The following CLEC1B variants were observed in gnomAD, a reference collection of about 807,000 sequenced individuals.
CLEC1B encodes the protein C-type lectin domain family 1 member B.
In CLEC1B, 26 loss-of-function variants were observed where a neutral mutation model predicts 26.7. That is an observed-to-expected ratio of 0.97 (90% CI 0.71 to 1.35). The LOEUF is 1.35. Ranked by LOEUF, CLEC1B falls within the 40% of genes most tolerant of loss-of-function variation. The probability of loss-of-function intolerance (pLI) is 0.00; values close to 1 mark genes in which losing one functional copy is unlikely to be tolerated. For missense variants in CLEC1B, 293 were observed against 282.6 expected (o/e 1.04, Z -0.26); for synonymous variants, 112 against 96.0 (o/e 1.17, Z -0.97).
chr12:9,997,090 C>T, intron 3 of CLEC1B, 70 bp downstream of exon 3: 1 of 1,609,236 alleles, frequency 6.2e-7, no homozygotes, highest in Non-Finnish European at 8.5e-7. Flanking sequence ...ATCTCAAACT[C>T]CCTTCAGTTG....
chr12:9,994,074 G>C (rs1864968019), intron 5 of CLEC1B, among the ~76,000 whole-genome samples: 1 of 152,122 alleles, frequency 6.6e-6, no homozygotes, highest in African/African-American at 2.4e-5. Flanking sequence ...GGACTGTATG[G>C]ATATGGGTTT....
chr12:9,997,041 T>C (rs1865068318), intron 3 of CLEC1B, 41 bp from the exon 4 acceptor site: 12 of 1,611,518 alleles, frequency 7.4e-6, no homozygotes, highest in South Asian at 1.1e-5. Flanking sequence ...TTTTTCTAAA[T>C]TGGGCTTACA....
chr12:9,993,396 G>GA (rs1210022004), intron 5 of CLEC1B, 109 bp from the exon 6 acceptor site: 1,949 of 306,932 alleles, frequency 6.3e-3, no homozygotes, highest in Non-Finnish European at 6.8e-3. Flanking sequence ...AGGAAAATAG[G>GA]AAAAAAAAAC....
chr12:9,996,822 T>C lies in CLEC1B; in HGVS notation c.438+24A>G, dbSNP rs1266800144. 3.7e-6 allele frequency: 6 copies of C among 1,613,502 alleles called. No individual in the cohort carries two copies. In the African/African-American group the frequency reaches 8.0e-5, roughly 22 times the overall value. On this transcript the variant is annotated intron_variant, in intron 4 of 5. Coordinates refer to ENST00000298527, the MANE Select transcript of CLEC1B (RefSeq NM_016509.4). ...AGGTTTCTCTTCCTTGCCTCCAAAA[T>C]ATTTGACATAAGAATCTTCTTACCA...
Position 9,998,294 on chromosome 12 carries a change from G to C in CLEC1B, c.151C>G (p.Leu51Val). 6.2e-7 allele frequency: 1 copy of C among 1,613,762 alleles called. No individual in the cohort carries two copies. ...CVGMVVGLVA[L>V]GIWSVMQRNY... ...AGTCAACACTTACACCAAATCCCCA[G>C]AGCCACCAGCCCGACAACCATCCCC... is the stretch of plus-strand genomic sequence containing the variant. Residue 51 changes from leucine (L) to valine (V), a missense_variant, in exon 2 of 6, where the codon CTG becomes GTG. Leu to Val is a conservative substitution (Grantham distance 32, BLOSUM62 1). Transcript: ENST00000298527.
At chr12:9,993,343 T>C (rs1209728557) in intron 5 of CLEC1B, 56 bp from the exon 6 acceptor site, 2 of 1,424,476 alleles carry the variant, frequency 1.4e-6, no homozygotes, top group South Asian at 1.1e-5. Flanking sequence ...CAATCAGTAA[T>C]CAGACTCTGC....
intron 4 of CLEC1B, chr12:9,995,687 T>C (rs907705218): frequency 1.3e-5 from 3 of 239,104 alleles, no homozygotes; most frequent in Non-Finnish European, 2.5e-5. Context: ...ATCTTACATA[T>C]GGAAGTATTA....
At chr12:9,999,852 A>C (rs1392760585), upstream of CLEC1B, among the ~76,000 whole-genome samples, 1 of 152,212 alleles carries the variant, frequency 6.6e-6, no homozygotes, top group Non-Finnish European at 1.5e-5. Context: ...GATTTGATGA[A>C]ATCACTTCAT....
At chr12:9,993,399 A>G (rs1864943622) in intron 5 of CLEC1B, 112 bp from the exon 6 acceptor site, 2 of 668,726 alleles carry the variant, frequency 3.0e-6, no homozygotes, top group African/African-American at 5.0e-5. Context: ...AAAATAGGAA[A>G]AAAAAACAAA....
intron 5 of CLEC1B, among the ~76,000 whole-genome samples, chr12:9,993,804 T>C (rs1864959176): frequency 1.3e-5 from 2 of 152,176 alleles, no homozygotes; most frequent in African/African-American, 4.8e-5. Flanking sequence ...TGTTAAGTTA[T>C]ATTTCTTTCT....
chr12:9,998,557 T>C (rs7980694), intron 1 of CLEC1B, among the ~76,000 whole-genome samples, 177 bp from the exon 2 acceptor site: 15,256 of 76,694 alleles, frequency 0.2, 3,574 homozygotes, highest in Middle Eastern at 0.28. Flanking sequence ...GGCCCACCCC[T>C]ATACCATACA....
At chr12:10,001,631 C>T (rs892362696), upstream of CLEC1B, among the ~76,000 whole-genome samples, 1 of 152,170 alleles carries the variant, frequency 6.6e-6, no homozygotes, top group Non-Finnish European at 1.5e-5. Flanking sequence ...GCTCCCTCCC[C>T]ACATTCTATA....
At chr12:9,996,689 T>C in intron 4 of CLEC1B, 157 bp downstream of exon 4, 2 of 767,796 alleles carry the variant, frequency 2.6e-6, no homozygotes, top group Non-Finnish European at 4.5e-6. Context: ...GGATTGAATA[T>C]CTGGGTTCTG....
At position 9,996,857 on chromosome 12, in the gene CLEC1B, G is replaced by C. The variant is rs1389444399; in HGVS notation, c.427C>G (p.Arg143Gly). ...AAGAATCTTCTTACCACAATGTTCC[G>C]GTTGTCAATCTTCAGGAGAGTAGCA... ...MNATLLKIDN[R>G]NIVEYIKART... is the part of the protein sequence containing the mutation. The change falls in exon 4 of 6, where the codon CGG (arginine) becomes GGG (glycine). Residue 143 changes from arginine to glycine, a missense_variant. Physicochemically the swap from Arg to Gly is moderately radical, Grantham distance 125 (BLOSUM62 -2). Transcript: ENST00000298527. 2 of 1,613,828 alleles carry C rather than the reference G, an allele frequency of 1.2e-6. No homozygotes were observed. Among genetic ancestry groups the C allele is most frequent in the East Asian group, 2.2e-5 (1 of 44,884 alleles).
chr12:9,999,692 T>A (rs565216784), upstream of CLEC1B, among the ~76,000 whole-genome samples: 3 of 152,288 alleles, frequency 2.0e-5, no homozygotes, highest in East Asian at 3.9e-4. Flanking sequence ...ATTTGAAGGA[T>A]CCACATGAGG....
chr12:10,001,541 G>T (rs770988949), upstream of CLEC1B, among the ~76,000 whole-genome samples: 5 of 152,150 alleles, frequency 3.3e-5, no homozygotes, highest in Admixed American at 1.3e-4. Context: ...TGACTTTGTG[G>T]TGTTAGAAGC....
rs1227171240 is a variant in CLEC1B at position 9,999,113 on chromosome 12, A to G, written c.-13T>C. ...CTTCATCCTGCATGGCTTCCCGAGTACTGCAACTGAGCTCAGAGTTCAATG... is the reference window on the plus strand; with the variant it reads ...CTTCATCCTGCATGGCTTCCCGAGTGCTGCAACTGAGCTCAGAGTTCAATG... On this transcript the variant is annotated 5_prime_UTR_variant, in exon 1 of 6. Coordinates refer to ENST00000298527, the MANE Select transcript of CLEC1B (RefSeq NM_016509.4). 2 of 1,588,674 alleles carry G rather than the reference A, an allele frequency of 1.3e-6. No homozygotes were observed.
At chr12:9,997,750 TA>T (rs1225103873) in intron 2 of CLEC1B, among the ~76,000 whole-genome samples, 2 of 152,190 alleles carry the variant, frequency 1.3e-5, no homozygotes, top group African/African-American at 4.8e-5. Context: ...TAACATCTTT[TA>T]AAAAAATCAA....
At chr12:9,999,432 A>C (rs1331202008), upstream of CLEC1B, 1 of 192,382 alleles carries the variant, frequency 5.2e-6, no homozygotes, top group Non-Finnish European at 1.0e-5. Flanking sequence ...TTCTAAGAAC[A>C]AAAGTTCATG....
Sources: allele counts gnomAD v4.1 joint callset (sites outside exome capture counted in the v4.1 genomes callset), GRCh38; gene constraint gnomAD v4.1.1; transcripts MANE v1.5; gene names NCBI Gene and HGNC (gene_info 2026-07-23, HGNC 2026-07-21).